Variants in MARCHF1 observed in about 807,000 individuals in gnomAD.
The protein encoded by MARCHF1 is E3 ubiquitin-protein ligase MARCHF1.
MARCHF1 carries 40 observed loss-of-function variants against 54.2 expected under a neutral mutation model. The ratio of observed to expected loss-of-function variants is 0.74; its 90% confidence interval spans 0.57 to 0.96. MARCHF1 has a LOEUF of 0.96. Ranked by LOEUF, MARCHF1 falls within the 40% of genes least tolerant of loss-of-function variation. The probability of loss-of-function intolerance (pLI) is 0.00; values close to 1 mark genes in which losing one functional copy is unlikely to be tolerated. For missense variants in MARCHF1, 586 were observed against 656.5 expected (o/e 0.89, Z 1.17); for synonymous variants, 236 against 236.3 (o/e 1.00, Z 0.01).
chr4:163,924,075 T>A (rs1043272963), intron 3 of MARCHF1, among the ~76,000 whole-genome samples: 3 of 152,078 alleles, frequency 2.0e-5, no homozygotes, highest in African/African-American at 7.2e-5. Flanking sequence ...CATTAATCTA[T>A]GCAAAGAACT....
At chr4:163,629,688 AG>A (rs1375073075) in intron 5 of MARCHF1, among the ~76,000 whole-genome samples, 3 of 151,884 alleles carry the variant, frequency 2.0e-5, no homozygotes, top group Non-Finnish European at 2.9e-5. Context: ...CCAGAATCTA[AG>A]GGGGCTAGGG....
intron 1 of MARCHF1, among the ~76,000 whole-genome samples, chr4:164,203,137 T>A (rs1479434585): frequency 1.3e-5 from 2 of 152,198 alleles, no homozygotes; most frequent in Middle Eastern, 3.2e-3. Flanking sequence ...ATTGAGGTTT[T>A]ATGGGATTTT....
chr4:164,362,364 C>A, intron 1 of MARCHF1, among the ~76,000 whole-genome samples: 1 of 152,062 alleles, frequency 6.6e-6, no homozygotes, highest in East Asian at 1.9e-4. Context: ...CCAGAAAAAT[C>A]TAGATGATCA....
At chr4:163,733,199 A>ATATACACATACACATG (rs1554008831) in intron 4 of MARCHF1, among the ~76,000 whole-genome samples, 1 of 39,882 alleles carries the variant, frequency 2.5e-5, no homozygotes, top group Admixed American at 3.0e-4. Flanking sequence ...ATATATATAT[A>ATATACACATACACATG]TATATATATA....
intron 5 of MARCHF1, among the ~76,000 whole-genome samples, chr4:163,690,291 A>AAGAGATGTTCACAGTGTCAAT (rs755842988): frequency 3.3e-4 from 50 of 152,226 alleles, no homozygotes; most frequent in Non-Finnish European, 6.2e-4. Context: ...TCTTCTTGTT[A>AAGAGATGTTCACAGTGTCAAT]AGAGATGTTC....
At chr4:164,365,286 CA>C (rs1254095977) in intron 1 of MARCHF1, among the ~76,000 whole-genome samples, 4 of 152,118 alleles carry the variant, frequency 2.6e-5, no homozygotes, top group African/African-American at 9.6e-5. Flanking sequence ...AAGGTTGATT[CA>C]GGTTGGTTTT....
rs1554008838 is a variant in MARCHF1 at position 163,733,201 on chromosome 4, A to ATACATACACATG, written c.112-32339_112-32338insCATGTGTATGTA. On this transcript the variant is annotated intron_variant, in intron 4 of 9. Coordinates refer to ENST00000514618, the MANE Select transcript of MARCHF1 (RefSeq NM_001394959.1). Reference sequence around the variant, plus strand: ...TGTATATATATATATATATATATATATATATATATATATATATATACACGT... The same window carrying ATACATACACATG: ...TGTATATATATATATATATATATATATACATACACATGTATATATATATATATATATACACGT... Among the ~76,000 whole-genome samples, 54 of 34,258 alleles carry ATACATACACATG rather than the reference A, an allele frequency of 1.6e-3. 8 individuals carry two copies. In the South Asian group the frequency reaches 0.021, roughly 13 times the overall value. 22.5% of individuals were successfully genotyped at this position (34,258 alleles called of 152,430 possible). A position where few individuals can be genotyped will look rare whatever the true frequency, so the allele number is the denominator to read the frequency against.
intron 8 of MARCHF1, among the ~76,000 whole-genome samples, chr4:163,550,281 C>CAAA (rs60320461): frequency 1.6e-4 from 17 of 105,050 alleles, no homozygotes; most frequent in Non-Finnish European, 2.2e-4. Flanking sequence ...GACTCCGTCT[C>CAAA]AAAAAAAAAA....
At chr4:164,274,994 G>GA (rs1330717881) in intron 1 of MARCHF1, among the ~76,000 whole-genome samples, 3 of 151,274 alleles carry the variant, frequency 2.0e-5, no homozygotes, top group Admixed American at 2.0e-4. Flanking sequence ...CTTTTAAGCA[G>GA]AGACACTACT....
At chr4:164,059,567 C>T (rs550795972) in intron 2 of MARCHF1, among the ~76,000 whole-genome samples, 40 of 152,180 alleles carry the variant, frequency 2.6e-4, no homozygotes, top group African/African-American at 5.3e-4. Context: ...TAGGAGGCAT[C>T]GCAGCTTTTG....
Position 163,616,718 on chromosome 4 carries a change from AAC to A in MARCHF1, c.163-3327_163-3326del, listed in dbSNP as rs139197153. ...ACATAGTGAGACCCCTGTCTCTGAAAACACACACACACACACACAAAAGTAAC... is the reference window on the plus strand; with the variant it reads ...ACATAGTGAGACCCCTGTCTCTGAAAACACACACACACACACAAAAGTAAC... On this transcript the variant is annotated intron_variant, in intron 5 of 9. Coordinates refer to ENST00000514618, the MANE Select transcript of MARCHF1 (RefSeq NM_001394959.1). Among the ~76,000 whole-genome samples, 66 of 150,876 alleles carry A rather than the reference AAC, an allele frequency of 4.4e-4. 1 individual carries two copies. Among genetic ancestry groups the A allele is most frequent in the African/African-American group, 1.4e-3 (59 of 41,154 alleles).
At chr4:163,868,862 T>C (rs1255037234) in intron 3 of MARCHF1, among the ~76,000 whole-genome samples, 2 of 151,990 alleles carry the variant, frequency 1.3e-5, no homozygotes, top group Non-Finnish European at 2.9e-5. Flanking sequence ...AAGCAAGTAG[T>C]GTCCAACTTC....
intron 3 of MARCHF1, among the ~76,000 whole-genome samples, chr4:163,949,943 AGGCAGGTCGTCCAC>A (rs913326327): frequency 1.3e-5 from 2 of 152,174 alleles, no homozygotes; most frequent in Non-Finnish European, 2.9e-5. Flanking sequence ...CCCTCTCCAT[AGGCAGGTCGTCCAC>A]TGCTGGAGTC....
intron 1 of MARCHF1, chr4:164,197,540 A>C: frequency 6.2e-6 from 10 of 1,613,380 alleles, no homozygotes; most frequent in Non-Finnish European, 8.5e-6. Context: ...GGTAAGTCTG[A>C]GATTGAGGTG....
chr4:164,100,166 T>A (rs75328581), intron 2 of MARCHF1, among the ~76,000 whole-genome samples: 1 of 152,168 alleles, frequency 6.6e-6, no homozygotes, highest in African/African-American at 2.4e-5. Flanking sequence ...TTCCAAATAA[T>A]GAAACTTTCA....
At chr4:163,742,467 CTCCTT>C (rs1041820047) in intron 4 of MARCHF1, among the ~76,000 whole-genome samples, 22 of 146,626 alleles carry the variant, frequency 1.5e-4, no homozygotes, top group African/African-American at 5.6e-4. Flanking sequence ...CTCTTCTTTT[CTCCTT>C]TCCTTTCCTT....
At chr4:163,965,110 G>C (rs897081062) in intron 3 of MARCHF1, among the ~76,000 whole-genome samples, 2 of 151,966 alleles carry the variant, frequency 1.3e-5, no homozygotes, top group Non-Finnish European at 2.9e-5. Flanking sequence ...TCAGATCTTA[G>C]GAGATGTTTA....
chr4:163,678,890 G>A (rs555801834), intron 5 of MARCHF1, among the ~76,000 whole-genome samples: 22 of 152,162 alleles, frequency 1.4e-4, no homozygotes, highest in Non-Finnish European at 3.1e-4. Context: ...TGTAATAGCA[G>A]CTCCTTGTAG....
intron 1 of MARCHF1, among the ~76,000 whole-genome samples, chr4:164,166,479 C>A (rs1730384521): frequency 6.6e-6 from 1 of 151,886 alleles, no homozygotes; most frequent in South Asian, 2.1e-4. Context: ...AACACTTTAG[C>A]TCTAGAAGGA....
Sources: allele counts gnomAD v4.1 joint callset (sites outside exome capture counted in the v4.1 genomes callset), GRCh38; gene constraint gnomAD v4.1.1; transcripts MANE v1.5; gene names NCBI Gene and HGNC (gene_info 2026-07-23, HGNC 2026-07-21).